Variants in CEP63 observed in about 807,000 individuals in gnomAD.
The protein encoded by CEP63 is centrosomal protein of 63 kDa.
CEP63 carries 84 observed loss-of-function variants against 89.1 expected under a neutral mutation model. That is an observed-to-expected ratio of 0.94 (90% confidence interval 0.79 to 1.13). CEP63 has a LOEUF of 1.13. Ranked by LOEUF, CEP63 falls within the 50% of genes most tolerant of loss-of-function variation. The pLI, the probability that CEP63 is intolerant of heterozygous loss-of-function variation, is 0.00. For synonymous variants in CEP63, 267 were observed against 272.5 expected (o/e 0.98, Z 0.20); for missense variants, 838 against 813.3 (o/e 1.03, Z -0.37).
At chr3:134,725,131 T>C in the CEP63 span, among the ~76,000 whole-genome samples, 2 of 152,156 alleles carry the variant, frequency 1.3e-5, no homozygotes, top group African/African-American at 4.8e-5. Flanking sequence ...GGCAATGAAA[T>C]TTTTTTAAAA....
At chr3:134,740,286 A>ATTTC in the CEP63 span, among the ~76,000 whole-genome samples, 1 of 147,728 alleles carries the variant, frequency 6.8e-6, no homozygotes. Context: ...TTATTTATTT[A>ATTTC]TTTATTTATT....
chr3:134,536,997 C>T (rs1184518458), intron 5 of CEP63, 158 bp from the exon 6 acceptor site: 9 of 677,478 alleles, frequency 1.3e-5, no homozygotes, highest in Non-Finnish European at 1.9e-5. Context: ...GTATTACTCT[C>T]CAGCTCTGTT....
At chr3:134,713,876 C>A in the CEP63 span, among the ~76,000 whole-genome samples, 2 of 152,324 alleles carry the variant, frequency 1.3e-5, no homozygotes, top group Non-Finnish European at 2.9e-5. Flanking sequence ...CTTCTAAGTT[C>A]TTGAGATTAT....
chr3:134,648,075 T>A, the CEP63 span, among the ~76,000 whole-genome samples: 1 of 152,238 alleles, frequency 6.6e-6, no homozygotes, highest in Non-Finnish European at 1.5e-5. Flanking sequence ...AAGCTCTCGC[T>A]CTGGCTGCGG....
At chr3:134,781,303 A>T in the CEP63 span, among the ~76,000 whole-genome samples, 33 of 152,180 alleles carry the variant, frequency 2.2e-4, no homozygotes, top group African/African-American at 7.5e-4. Context: ...GATAATAGCC[A>T]TGAGATTTCT....
intron 12 of CEP63, among the ~76,000 whole-genome samples, chr3:134,555,854 C>A (rs1360630970): frequency 1.3e-5 from 2 of 152,104 alleles, no homozygotes; most frequent in African/African-American, 2.4e-5. Context: ...GGAGGCATCA[C>A]CCTACTTGAC....
the CEP63 span, among the ~76,000 whole-genome samples, chr3:134,696,747 A>G: frequency 6.6e-6 from 1 of 152,148 alleles, no homozygotes; most frequent in Non-Finnish European, 1.5e-5. Flanking sequence ...TGAGTATTCA[A>G]ACATGTATAT....
chr3:134,494,990 A>C (rs1939275145), intron 1 of CEP63, among the ~76,000 whole-genome samples: 1 of 152,150 alleles, frequency 6.6e-6, no homozygotes, highest in Non-Finnish European at 1.5e-5. Flanking sequence ...TGCTAGAGAG[A>C]TCCCACCTCC....
chr3:134,527,443 T>C (rs974835091), intron 3 of CEP63, among the ~76,000 whole-genome samples: 3 of 151,932 alleles, frequency 2.0e-5, no homozygotes, highest in African/African-American at 7.2e-5. Flanking sequence ...GGCTGGCTGG[T>C]TTGGTGCCCA....
downstream of CEP63, among the ~76,000 whole-genome samples, chr3:134,567,325 G>T (rs1204762869): frequency 6.6e-6 from 1 of 152,034 alleles, no homozygotes; most frequent in Non-Finnish European, 1.5e-5. Flanking sequence ...AAAGGGTATG[G>T]GGTTTCTTTT....
At chr3:134,715,386 TG>T in the CEP63 span, among the ~76,000 whole-genome samples, 1 of 152,204 alleles carries the variant, frequency 6.6e-6, no homozygotes, top group African/African-American at 2.4e-5. Flanking sequence ...CAACTTCTAC[TG>T]GTTCCTGTAT....
At chr3:134,547,567 A>T in intron 9 of CEP63, 95 bp downstream of exon 9, 1 of 1,003,098 alleles carries the variant, frequency 1.0e-6, no homozygotes, top group Admixed American at 2.3e-5. Context: ...ATAGTAAAAA[A>T]AATAAGATTT....
the CEP63 span, chr3:134,627,976 G>A: frequency 5.6e-5 from 35 of 629,624 alleles, 1 homozygote; most frequent in Non-Finnish European, 9.4e-5. Flanking sequence ...CTGAATTGCT[G>A]CTTGAATTGC....
At chr3:134,656,519 C>T in the CEP63 span, among the ~76,000 whole-genome samples, 10 of 152,132 alleles carry the variant, frequency 6.6e-5, no homozygotes, top group Non-Finnish European at 1.5e-4. Context: ...GGGTGCAGGT[C>T]CCACGGTTGC....
the CEP63 span, among the ~76,000 whole-genome samples, chr3:134,750,391 G>A: frequency 3.3e-5 from 5 of 152,310 alleles, no homozygotes; most frequent in African/African-American, 1.2e-4. Context: ...GGCTGCTTCT[G>A]GAACTCTGAG....
At chr3:134,487,875 A>G (rs1936182560) in intron 1 of CEP63, 1 of 152,220 alleles carries the variant, frequency 6.6e-6, no homozygotes, top group South Asian at 2.1e-4. Context: ...TGCACATTTG[A>G]CATCTTTTAA....
chr3:134,767,023 C>T, the CEP63 span, among the ~76,000 whole-genome samples: 1 of 152,194 alleles, frequency 6.6e-6, no homozygotes, highest in Admixed American at 6.5e-5. Context: ...CACTTGGATA[C>T]TCACCCCACC....
chr3:134,722,606 T>C, the CEP63 span, among the ~76,000 whole-genome samples: 1 of 152,200 alleles, frequency 6.6e-6, no homozygotes, highest in African/African-American at 2.4e-5. Context: ...ATGTAGTTTG[T>C]TATTCTTTTT....
downstream of CEP63, among the ~76,000 whole-genome samples, chr3:134,578,128 G>A (rs542903727): frequency 6.4e-4 from 97 of 152,112 alleles, 1 homozygote; most frequent in African/African-American, 1.8e-3. Context: ...TCCTTTGAGC[G>A]TATACCTAGT....
Sources: gnomAD v4.1 joint callset for allele counts (sites outside exome capture counted in the v4.1 genomes callset) on GRCh38, gnomAD v4.1.1 for gene constraint, MANE v1.5 for transcripts, NCBI Gene and HGNC (gene_info 2026-07-23, HGNC 2026-07-21) for gene names.